CLC: variants seen among roughly 807,000 people sequenced by gnomAD.
CLC encodes Charcot-Leyden crystal galectin.
In CLC, 15 loss-of-function variants were observed where a neutral mutation model predicts 13.9. That is an observed-to-expected ratio of 1.08 (90% CI 0.72 to 1.66). The LOEUF (loss-of-function observed/expected upper bound fraction) is 1.66, where lower values mean the gene tolerates loss of function less well. CLC is among the 40% of genes most tolerant of loss of function. CLC has a pLI of 0.00. For synonymous variants in CLC, 68 were observed against 59.9 expected (o/e 1.14, Z -0.63); for missense variants, 161 against 169.1 (o/e 0.95, Z 0.27).
intron 1 of CLC, 52 bp from the exon 2 acceptor site, chr19:39,735,125 C>A (rs1167674786): frequency 7.8e-7 from 1 of 1,278,718 alleles, no homozygotes; most frequent in African/African-American, 1.5e-5. Flanking sequence ...TGTGGCCTCC[C>A]CTCCTGTAAC....
At chr19:39,734,626 GCTGC>G (rs1409867540) in intron 2 of CLC, 133 bp from the exon 3 acceptor site, 59 of 711,622 alleles carry the variant, frequency 8.3e-5, no homozygotes, top group Non-Finnish European at 1.2e-4. Flanking sequence ...TCATTGTGGG[GCTGC>G]TTCAGCTCCT....
At chr19:39,737,580 C>A (rs541762113) in intron 1 of CLC, among the ~76,000 whole-genome samples, 1 of 152,180 alleles carries the variant, frequency 6.6e-6, no homozygotes, top group Non-Finnish European at 1.5e-5. Flanking sequence ...CACACACACT[C>A]ACATCACAGT....
At position 39,731,343 on chromosome 19, in the gene CLC, C is replaced by A. The variant is rs138827329; in HGVS notation, c.*37G>T. Reference sequence around the variant, plus strand: ...AGCTGGCTTTGGAATCCCAAGTTCACGTAGAGACAGGGATTCCTTGGCAAC... The same window carrying A: ...AGCTGGCTTTGGAATCCCAAGTTCAAGTAGAGACAGGGATTCCTTGGCAAC... On this transcript the variant is annotated 3_prime_UTR_variant, in exon 4 of 4. Coordinates refer to ENST00000221804, the MANE Select transcript of CLC (RefSeq NM_001828.6). 4 of 1,606,212 alleles carry A rather than the reference C, an allele frequency of 2.5e-6. No homozygotes were observed. Among genetic ancestry groups the A allele is most frequent in the Non-Finnish European group, 3.4e-6 (4 of 1,174,946 alleles).
intron 1 of CLC, among the ~76,000 whole-genome samples, chr19:39,736,273 G>A (rs576110288): frequency 5.3e-5 from 8 of 152,074 alleles, no homozygotes; most frequent in Admixed American, 3.9e-4. Flanking sequence ...ACCCCTGTGC[G>A]TGGGAGGCAC....
At chr19:39,737,309 C>T (rs1436554943) in intron 1 of CLC, among the ~76,000 whole-genome samples, 1 of 151,614 alleles carries the variant, frequency 6.6e-6, no homozygotes, top group East Asian at 1.9e-4. Flanking sequence ...GATAAGTCCT[C>T]GGTAACTCAA....
chr19:39,734,906 G>T lies in CLC; in HGVS notation c.92+91C>A, dbSNP rs529273309. ...CATGGCACTTCCATCCTGCCAACTA[G>T]ACTTTCCACATGATTCACACATGAG... On this transcript the variant is annotated intron_variant, in intron 2 of 3. Coordinates refer to ENST00000221804, the MANE Select transcript of CLC (RefSeq NM_001828.6). 153 of 1,021,864 alleles carry T rather than the reference G, an allele frequency of 1.5e-4. No individual in the cohort carries two copies. The African/African-American group carries it at 2.2e-3, about 15-fold the overall frequency. The allele number at this position is 1,021,864 out of a possible 1,614,324, so 63.3% of individuals were successfully genotyped here. A position where few individuals can be genotyped will look rare whatever the true frequency, so the allele number is the denominator to read the frequency against.
chr19:39,736,740 A>G (rs183260965), intron 1 of CLC, among the ~76,000 whole-genome samples: 2 of 148,656 alleles, frequency 1.3e-5, no homozygotes, highest in African/African-American at 5.0e-5. Context: ...GCACCACTGC[A>G]CTCCAGCCTG....
At chr19:39,734,636 C>T (rs1967280447) in intron 2 of CLC, 143 bp from the exon 3 acceptor site, 2 of 688,936 alleles carry the variant, frequency 2.9e-6, no homozygotes, top group South Asian at 3.5e-5. Flanking sequence ...GCTGCTTCAG[C>T]TCCTTGTGTT....
intron 3 of CLC, among the ~76,000 whole-genome samples, chr19:39,733,587 G>A (rs1406000353): frequency 6.6e-6 from 1 of 152,036 alleles, no homozygotes; most frequent in Non-Finnish European, 1.5e-5. Context: ...ATCCTTCTAG[G>A]GGAATATTAT....
intron 3 of CLC, chr19:39,733,989 T>G: frequency 6.1e-6 from 6 of 985,304 alleles, no homozygotes; most frequent in Non-Finnish European, 7.2e-6. Context: ...TTGACCCTGG[T>G]CAGGTATGGG....
chr19:39,734,611 C>A (rs1967280145), intron 2 of CLC, 118 bp from the exon 3 acceptor site: 1 of 819,270 alleles, frequency 1.2e-6, no homozygotes, highest in African/African-American at 1.7e-5. Context: ...GTATTCTAGG[C>A]CTTGTCATTG....
intron 1 of CLC, among the ~76,000 whole-genome samples, chr19:39,735,456 T>G (rs533478215): frequency 2.2e-4 from 34 of 152,334 alleles, no homozygotes; most frequent in African/African-American, 7.5e-4. Flanking sequence ...CTTGAGTAGC[T>G]GAGACTATTG....
chr19:39,736,586 C>A (rs1177307719), intron 1 of CLC, among the ~76,000 whole-genome samples: 2 of 151,982 alleles, frequency 1.3e-5, no homozygotes, highest in Non-Finnish European at 2.9e-5. Flanking sequence ...ACCAGCCTGG[C>A]CAACATGGAG....
chr19:39,731,303 A>G lies in CLC; in HGVS notation c.*77T>C. ...AGCAGGAGTAAGGATTGAAGTGAGAAAAGATCATGCTGTTAGCTGGCTTTG... is the reference window on the plus strand; with the variant it reads ...AGCAGGAGTAAGGATTGAAGTGAGAGAAGATCATGCTGTTAGCTGGCTTTG... On this transcript the variant is annotated 3_prime_UTR_variant, in exon 4 of 4. Transcript: ENST00000221804. The G allele has an allele frequency of 6.8e-7, 1 of 1,467,692 alleles. No individual in the cohort carries two copies. Among genetic ancestry groups the G allele is most frequent in the Non-Finnish European group, 9.5e-7 (1 of 1,051,810 alleles). 90.9% of individuals were successfully genotyped at this position (1,467,692 alleles called of 1,614,324 possible). A position where few individuals can be genotyped will look rare whatever the true frequency, so the allele number is the denominator to read the frequency against.
chr19:39,734,559 C>T, intron 2 of CLC, 66 bp from the exon 3 acceptor site: 1 of 1,387,486 alleles, frequency 7.2e-7, no homozygotes, highest in Non-Finnish European at 1.0e-6. Context: ...GACACACACA[C>T]AAGTCTCTTT....
chr19:39,731,922 T>C (rs761631362), intron 3 of CLC, among the ~76,000 whole-genome samples: 2 of 152,216 alleles, frequency 1.3e-5, no homozygotes, highest in Middle Eastern at 3.2e-3. Context: ...TATTTGCTGC[T>C]GATGACCCAG....
intron 3 of CLC, among the ~76,000 whole-genome samples, chr19:39,732,690 G>A (rs1339431942): frequency 6.8e-6 from 1 of 146,082 alleles, no homozygotes; most frequent in East Asian, 2.0e-4. Context: ...CTAGTTTACA[G>A]TCCCACCAAC....
chr19:39,733,877 T>C, intron 3 of CLC: 2 of 940,536 alleles, frequency 2.1e-6, no homozygotes, highest in Non-Finnish European at 2.5e-6. Context: ...ATTTTATTCA[T>C]GTGTATATCT....
In CLC at chr19:39,731,330, A is replaced by T; in HGVS notation, c.*50T>A. 1 of 1,596,848 alleles carries T rather than the reference A, an allele frequency of 6.3e-7. No individual in the cohort carries two copies. Among genetic ancestry groups the T allele is most frequent in the Non-Finnish European group, 8.6e-7 (1 of 1,166,764 alleles). ...AGATCATGCTGTTAGCTGGCTTTGG[A>T]ATCCCAAGTTCACGTAGAGACAGGG... On this transcript the variant is annotated 3_prime_UTR_variant, in exon 4 of 4. Coordinates refer to ENST00000221804, the MANE Select transcript of CLC (RefSeq NM_001828.6).
Sources: gnomAD v4.1 joint callset for allele counts (sites outside exome capture counted in the v4.1 genomes callset) on GRCh38, gnomAD v4.1.1 for gene constraint, MANE v1.5 for transcripts, NCBI Gene and HGNC (gene_info 2026-07-23, HGNC 2026-07-21) for gene names.